Variants in DEPDC5 observed in about 807,000 individuals in gnomAD.
DEPDC5 encodes GATOR1 complex protein DEPDC5.
In DEPDC5, 73 loss-of-function variants were observed where a neutral mutation model predicts 217.3. The observed-to-expected ratio is 0.34, with a 90% CI of 0.28 to 0.41. The LOEUF is 0.41. Ranked by LOEUF, DEPDC5 falls within the 10% of genes least tolerant of loss-of-function variation. DEPDC5 has a pLI of 1.00. For synonymous variants in DEPDC5, 733 were observed against 756.7 expected (o/e 0.97, Z 0.51); for missense variants, 1,675 against 2,070.1 (o/e 0.81, Z 3.70).
intron 25 of DEPDC5, among the ~76,000 whole-genome samples, chr22:31,834,661 C>T (rs11703810): frequency 4.0e-5 from 6 of 151,700 alleles, no homozygotes; most frequent in Admixed American, 6.6e-5. Context: ...GGATTATAGG[C>T]GCGCGCCACC....
In DEPDC5 at chr22:31,906,347, C is replaced by T; in HGVS notation, c.4662C>T (p.Leu1554=). The change falls in exon 43 of 43, where the codon CTC becomes CTT. Residue 1554 remains leucine (L), a synonymous_variant. Transcript: ENST00000651528. The surrounding 1 kb of genome is among the most constrained non-coding windows in gnomAD (Gnocchi z 5.1). The stretch of plus-strand genomic sequence containing the variant: ...ACAACTGGGCCTACAACACCATGCT[C>T]ACCAAAACATGGCGCTCCAGCGCCA... The part of the protein sequence containing the change: ...VGYNWAYNTM[L]TKTWRSSATG... 6.2e-7 allele frequency: 1 copy of T among 1,614,066 alleles called. No individual in the cohort carries two copies. The highest frequency in any genetic ancestry group is 8.5e-7 in the Non-Finnish European group (1 of 1,179,964).
intron 7 of DEPDC5, among the ~76,000 whole-genome samples, chr22:31,772,955 T>C (rs2083486150): frequency 6.6e-6 from 1 of 151,722 alleles, no homozygotes; most frequent in Non-Finnish European, 1.5e-5. Context: ...CTAATTTTTG[T>C]TTTTTTAGTA....
intron 39 of DEPDC5, chr22:31,894,378 T>A (rs912932184): frequency 1.3e-5 from 2 of 152,176 alleles, no homozygotes. Flanking sequence ...ATTTTTTTTA[T>A]TATTATTGTT....
chr22:31,806,385 G>A (rs1284502614), intron 18 of DEPDC5, among the ~76,000 whole-genome samples, 194 bp downstream of exon 18: 2 of 152,156 alleles, frequency 1.3e-5, no homozygotes, highest in African/African-American at 4.8e-5. Context: ...GCATTGATAG[G>A]GTTATTTTAG....
chr22:31,796,329 T>C (rs1569523425), intron 12 of DEPDC5, among the ~76,000 whole-genome samples: 1 of 151,174 alleles, frequency 6.6e-6, no homozygotes, highest in African/African-American at 2.4e-5. Context: ...GGTCTCTATC[T>C]CCTGACCTCA....
At chr22:31,862,718 G>T (rs1211835823) in intron 33 of DEPDC5, among the ~76,000 whole-genome samples, 1 of 152,162 alleles carries the variant, frequency 6.6e-6, no homozygotes, top group African/African-American at 2.4e-5. Context: ...ATTGGAACAG[G>T]TCAGAGGTAC....
Position 31,864,120 on chromosome 22 carries a change from T to C in DEPDC5, c.3330+2687T>C, listed in dbSNP as rs572014230. Among the ~76,000 whole-genome samples, 5 of 151,772 alleles carry C rather than the reference T, an allele frequency of 3.3e-5. No homozygotes were observed. The South Asian group carries it at 8.4e-4, about 25-fold the overall frequency. ...GTCAGTTGGATGCTTTCTTTTTTTT[T>C]TTTTTGAGATGGAATTTCATTCTTG... On this transcript the variant is annotated intron_variant, in intron 33 of 42. Transcript: ENST00000651528.
At chr22:31,774,543 G>T (rs1293092817) in intron 7 of DEPDC5, among the ~76,000 whole-genome samples, 3 of 150,450 alleles carry the variant, frequency 2.0e-5, no homozygotes, top group African/African-American at 7.3e-5. Context: ...GGGTTCTGAC[G>T]ATTATAAGCA....
chr22:31,885,862 C>T (rs1158700482), intron 38 of DEPDC5, among the ~76,000 whole-genome samples: 7 of 151,426 alleles, frequency 4.6e-5, no homozygotes, highest in Admixed American at 3.3e-4. Context: ...GGTGAAACCC[C>T]GTCTCTACTA....
chr22:31,766,051 T>C (rs370577980), intron 5 of DEPDC5, among the ~76,000 whole-genome samples: 3 of 152,136 alleles, frequency 2.0e-5, no homozygotes, highest in African/African-American at 7.2e-5. Flanking sequence ...TAAATAAATA[T>C]GTAGCCTACA....
intron 36 of DEPDC5, 65 bp from the exon 37 acceptor site, chr22:31,876,092 G>A: frequency 6.8e-7 from 1 of 1,470,520 alleles, no homozygotes; most frequent in Non-Finnish European, 9.5e-7. Context: ...TCCAGAGCAT[G>A]ACTGAGGGCT....
At chr22:31,889,701 C>T (rs576722152) in intron 38 of DEPDC5, among the ~76,000 whole-genome samples, 4 of 151,998 alleles carry the variant, frequency 2.6e-5, no homozygotes, top group Non-Finnish European at 4.4e-5. Flanking sequence ...CCACCATGCC[C>T]GGCTAATTTT....
At chr22:31,829,150 T>C (rs1256309192) in intron 24 of DEPDC5, among the ~76,000 whole-genome samples, 2 of 152,186 alleles carry the variant, frequency 1.3e-5, no homozygotes, top group African/African-American at 4.8e-5. Flanking sequence ...GTAGGTTGGG[T>C]ACATTATGGG....
chr22:31,755,403 G>T, intron 2 of DEPDC5: 1 of 192,376 alleles, frequency 5.2e-6, no homozygotes, highest in East Asian at 1.4e-4. Flanking sequence ...GTAGGCATGG[G>T]AAGAAGGAGC....
Position 31,906,718 on chromosome 22 carries a change from T to C in DEPDC5, c.*221T>C. ...AGACTTTGGAAGCAGCTGCTGCTGC[T>C]GCCACCACTCCTGTCAGCAAGTGCT... is the stretch of plus-strand genomic sequence containing the variant. On this transcript the variant is annotated 3_prime_UTR_variant, in exon 43 of 43. Coordinates refer to ENST00000651528, the MANE Select transcript of DEPDC5 (RefSeq NM_001242896.3). The surrounding 1 kb of genome is among the most constrained non-coding windows in gnomAD (Gnocchi z 5.1). The C allele has an allele frequency of 1.6e-6, 1 of 621,122 alleles. No individual in the cohort carries two copies. Among genetic ancestry groups the C allele is most frequent in the South Asian group, 2.0e-5 (1 of 49,246 alleles). 38.5% of individuals were successfully genotyped at this position (621,122 alleles called of 1,614,324 possible). A position where few individuals can be genotyped will look rare whatever the true frequency, so the allele number is the denominator to read the frequency against.
rs1444963306 is a variant in DEPDC5 at position 31,833,924 on chromosome 22, C to G, written c.2114C>G (p.Pro705Arg). The change falls in exon 25 of 43, where the codon CCT (proline) becomes CGT (arginine). Residue 705 changes from proline to arginine, a missense_variant. Coordinates refer to ENST00000651528, the MANE Select transcript of DEPDC5 (RefSeq NM_001242896.3). ...LLSNSGAGMNPRTQNKDSLED... is the reference protein window; with the variant it reads ...LLSNSGAGMNRRTQNKDSLED... ...TTTTATCTTTCCATAGGTATGAATCCTAGGACCCAGAATAAGGATTCTCTA... is the reference window on the plus strand; with the variant it reads ...TTTTATCTTTCCATAGGTATGAATCGTAGGACCCAGAATAAGGATTCTCTA... The G allele has an allele frequency of 6.3e-7, 1 of 1,592,766 alleles. No homozygotes were observed.
At chr22:31,814,356 ATGCCCT>A (rs1185946520) in intron 20 of DEPDC5, 1 of 152,410 alleles carries the variant, frequency 6.6e-6, no homozygotes, top group Non-Finnish European at 1.5e-5. Context: ...TAATCCCTAA[ATGCCCT>A]CTAATAGCCA....
chr22:31,875,083 G>T (rs765105340), intron 36 of DEPDC5: 1 of 157,850 alleles, frequency 6.3e-6, no homozygotes, highest in African/African-American at 2.4e-5. Context: ...CTGTCTATAC[G>T]GAGGCCCCAA....
At chr22:31,879,043 A>AAAAATAT (rs763615141) in intron 37 of DEPDC5, among the ~76,000 whole-genome samples, 7 of 119,474 alleles carry the variant, frequency 5.9e-5, no homozygotes, top group Admixed American at 4.0e-4. Flanking sequence ...AAAAAAAAAA[A>AAAAATAT]ATATATATAT....
Sources: allele counts gnomAD v4.1 joint callset (sites outside exome capture counted in the v4.1 genomes callset), GRCh38; gene constraint gnomAD v4.1.1; non-coding constraint Gnocchi (gnomAD v3.1); transcripts MANE v1.5; gene names NCBI Gene and HGNC (gene_info 2026-07-23, HGNC 2026-07-21).